Variants in FMN2 observed in about 807,000 individuals in gnomAD.
FMN2 encodes formin 2.
FMN2 carries 51 observed loss-of-function variants against 142.3 expected under a neutral mutation model. The observed-to-expected ratio is 0.36, with a 90% confidence interval of 0.29 to 0.45. The LOEUF is 0.45. Ranked by LOEUF, FMN2 falls within the 20% of genes least tolerant of loss-of-function variation. The pLI is 1.00. For missense variants in FMN2, 1,936 were observed against 2,122.8 expected (o/e 0.91, Z 1.73); for synonymous variants, 882 against 869.8 (o/e 1.01, Z -0.25).
intron 7 of FMN2, among the ~76,000 whole-genome samples, chr1:240,286,228 G>T (rs1386514573): frequency 6.6e-6 from 1 of 152,040 alleles, no homozygotes. Context: ...AGGTATGGAG[G>T]CTTTTGTATT....
chr1:240,449,311 G>A (rs1163472205), intron 16 of FMN2, among the ~76,000 whole-genome samples: 3 of 152,052 alleles, frequency 2.0e-5, no homozygotes, highest in Non-Finnish European at 2.9e-5. Flanking sequence ...GTGACTTTCT[G>A]CTTACTGACA....
At chr1:240,408,779 C>T (rs902641112) in intron 15 of FMN2, among the ~76,000 whole-genome samples, 2 of 151,944 alleles carry the variant, frequency 1.3e-5, no homozygotes, top group African/African-American at 2.4e-5. Flanking sequence ...TTAGTTTACA[C>T]GAAAAAAACT....
intron 14 of FMN2, among the ~76,000 whole-genome samples, chr1:240,378,600 G>A (rs1478540909): frequency 1.3e-5 from 2 of 152,144 alleles, no homozygotes; most frequent in Non-Finnish European, 2.9e-5. Flanking sequence ...GATACATTAT[G>A]CTAGAATGTT....
Position 240,208,347 on chromosome 1 carries a change from C to G in FMN2, c.3535C>G (p.Leu1179Val). 3 of 1,506,646 alleles carry G rather than the reference C, an allele frequency of 2.0e-6. No individual in the cohort carries two copies. Among genetic ancestry groups the G allele is most frequent in the African/African-American group, 1.6e-5 (1 of 62,658 alleles). 93.3% of individuals were successfully genotyped at this position (1,506,646 alleles called of 1,614,324 possible). A position where few individuals can be genotyped will look rare whatever the true frequency, so the allele number is the denominator to read the frequency against. ...PGAGIPPPPP[L>V]PGVGIPPPPP... ...AGCGGGCATACCCCCTCCGCCCCCT[C>G]TACCTGGAGTGGGAATACCTCCTCC... Residue 1179 changes from leucine to valine, a missense_variant, in exon 5 of 18, where the codon CTA (leucine) becomes GTA (valine). Coordinates refer to ENST00000319653, the MANE Select transcript of FMN2 (RefSeq NM_020066.5).
At chr1:240,395,213 A>G (rs1673734873) in intron 15 of FMN2, among the ~76,000 whole-genome samples, 2 of 152,140 alleles carry the variant, frequency 1.3e-5, no homozygotes, top group African/African-American at 2.4e-5. Flanking sequence ...CATTGCTGAG[A>G]CCCATTGCTC....
chr1:240,316,357 T>TG (rs1351786580), intron 8 of FMN2, among the ~76,000 whole-genome samples: 1 of 152,178 alleles, frequency 6.6e-6, no homozygotes, highest in Non-Finnish European at 1.5e-5. Context: ...ACCCAGCAGA[T>TG]GGAGCAGTAT....
At chr1:240,438,841 G>A (rs12143596) in intron 16 of FMN2, among the ~76,000 whole-genome samples, 16,385 of 152,168 alleles carry the variant, frequency 0.11, 1,132 homozygotes, top group East Asian at 0.31. Flanking sequence ...CTCCCAGGGC[G>A]CCATCCCCAA....
At chr1:240,387,181 T>C (rs1673433224) in intron 14 of FMN2, among the ~76,000 whole-genome samples, 1 of 152,218 alleles carries the variant, frequency 6.6e-6, no homozygotes, top group Non-Finnish European at 1.5e-5. Context: ...ATCCTGTTCC[T>C]TTCCTCCAGT....
At chr1:240,166,375 G>A (rs11810431) in intron 2 of FMN2, among the ~76,000 whole-genome samples, 13 of 151,732 alleles carry the variant, frequency 8.6e-5, no homozygotes, top group African/African-American at 2.4e-4. Flanking sequence ...GATTGCAGGT[G>A]CCAGCCACCA....
chr1:240,243,563 T>G (rs1667983587), intron 6 of FMN2, among the ~76,000 whole-genome samples: 2 of 152,226 alleles, frequency 1.3e-5, no homozygotes, highest in South Asian at 4.1e-4. Context: ...TAAATATAAC[T>G]GCCGGTTATT....
intron 6 of FMN2, among the ~76,000 whole-genome samples, chr1:240,248,606 T>TTATTTTTA (rs1196932612): frequency 5.3e-5 from 8 of 151,972 alleles, no homozygotes; most frequent in Non-Finnish European, 1.0e-4. Context: ...TCCCTTTGGG[T>TTATTTTTA]ACATACCCAG....
chr1:240,101,365 C>T (rs1012324057), intron 1 of FMN2, among the ~76,000 whole-genome samples: 6 of 152,064 alleles, frequency 3.9e-5, no homozygotes, highest in Non-Finnish European at 8.8e-5. Flanking sequence ...CCGGAAGACC[C>T]GTTTATACCA....
chr1:240,375,116 C>T (rs1355769750), intron 14 of FMN2, among the ~76,000 whole-genome samples: 3 of 152,078 alleles, frequency 2.0e-5, no homozygotes, highest in Non-Finnish European at 2.9e-5. Context: ...AGTGAGAACA[C>T]GAACAGTATT....
intron 14 of FMN2, among the ~76,000 whole-genome samples, chr1:240,364,191 T>C (rs1404833381): frequency 3.3e-5 from 5 of 152,102 alleles, no homozygotes; most frequent in Admixed American, 3.3e-4. Flanking sequence ...ATACAATAGA[T>C]GGCAAAGTCA....
chr1:240,422,387 CTCTT>C (rs1314293021), intron 15 of FMN2, among the ~76,000 whole-genome samples: 6 of 152,146 alleles, frequency 3.9e-5, no homozygotes, highest in African/African-American at 1.4e-4. Context: ...CATGGAGTAT[CTCTT>C]TATTTAGTTC....
intron 6 of FMN2, among the ~76,000 whole-genome samples, chr1:240,221,772 G>A (rs570954490): frequency 6.7e-6 from 1 of 149,950 alleles, no homozygotes; most frequent in Non-Finnish European, 1.5e-5. Flanking sequence ...TGTTGCCATT[G>A]CTTTTGGTGT....
chr1:240,338,135 T>A (rs1283046241), intron 13 of FMN2, among the ~76,000 whole-genome samples: 1 of 152,214 alleles, frequency 6.6e-6, no homozygotes, highest in African/African-American at 2.4e-5. Context: ...CAAATTCTTC[T>A]CTGTATCCTC....
chr1:240,382,638 G>T (rs1216563518), intron 14 of FMN2, among the ~76,000 whole-genome samples: 1 of 151,962 alleles, frequency 6.6e-6, no homozygotes, highest in African/African-American at 2.4e-5. Flanking sequence ...TCCAGCCTGG[G>T]TGACAGAGTG....
chr1:240,437,801 C>T (rs1014715804), intron 15 of FMN2, among the ~76,000 whole-genome samples: 6 of 152,162 alleles, frequency 3.9e-5, no homozygotes, highest in African/African-American at 1.4e-4. Context: ...GTATGTCCAA[C>T]ACAGAGTGAT....
Sources: gnomAD v4.1 joint callset for allele counts (sites outside exome capture counted in the v4.1 genomes callset) on GRCh38, gnomAD v4.1.1 for gene constraint, MANE v1.5 for transcripts, NCBI Gene and HGNC (gene_info 2026-07-23, HGNC 2026-07-21) for gene names.